Variants in COL23A1 observed in about 807,000 individuals in gnomAD.
COL23A1 encodes collagen type XXIII alpha 1 chain.
A neutral mutation model predicts 99.3 loss-of-function variants in COL23A1; 97 were observed. That is an observed-to-expected ratio of 0.98 (90% confidence interval 0.83 to 1.16). COL23A1 has a LOEUF of 1.16. COL23A1 is among the 50% of genes most tolerant of loss of function. The pLI is 0.00. For missense variants in COL23A1, 762 were observed against 757.4 expected, an observed-to-expected ratio of 1.01 and a Z score of -0.07; for synonymous variants, 320 against 308.2, an observed-to-expected ratio of 1.04 and a Z score of -0.40.
At position 178,589,956 on chromosome 5, in the gene COL23A1, G is replaced by A. The variant is rs1764184712; in HGVS notation, c.242C>T (p.Pro81Leu). The A allele has an allele frequency of 1.5e-6, 2 of 1,329,562 alleles. No individual in the cohort carries two copies. Among genetic ancestry groups the A allele is most frequent in the Non-Finnish European group, 1.9e-6 (2 of 1,047,250 alleles). The allele number at this position is 1,329,562 out of a possible 1,614,324, so 82.4% of individuals were successfully genotyped here. Residue 81 changes from proline (P) to leucine (L), a missense_variant, in exon 1 of 29, where the codon CCA becomes CTA. Transcript: ENST00000390654. This position sits in a 1 kb window ranked among gnomAD's most constrained non-coding sequence, Gnocchi z 5.4. ...CTCGGCCCAGGCGTCCAGGGCGCCT[G>A]GCGGCCCCGCGCGCCGCAGCAGCTC... ...ERELLRRAGP[P>L]GALDAWAEPH...
At chr5:178,423,563 C>T (rs1362508001) in intron 2 of COL23A1, among the ~76,000 whole-genome samples, 2 of 152,192 alleles carry the variant, frequency 1.3e-5, no homozygotes, top group Non-Finnish European at 2.9e-5. Context: ...GTAAATGCAT[C>T]TTCCACCTCG....
intron 4 of COL23A1, 36 bp from the exon 5 acceptor site, chr5:178,288,386 T>C: frequency 6.3e-7 from 1 of 1,593,398 alleles, no homozygotes; most frequent in Non-Finnish European, 8.6e-7. Context: ...AATCAGAGTT[T>C]CGGCAGAAAC....
At chr5:178,329,015 G>A (rs947468265) in intron 2 of COL23A1, among the ~76,000 whole-genome samples, 2 of 152,286 alleles carry the variant, frequency 1.3e-5, no homozygotes, top group Non-Finnish European at 2.9e-5. Context: ...TGCTGGATCA[G>A]ACCTCAGGCT....
chr5:178,366,869 C>T lies in COL23A1; in HGVS notation c.362-59950G>A, dbSNP rs1485263551. Among the ~76,000 whole-genome samples the T allele has an allele frequency of 2.0e-5, 3 of 152,206 alleles. No individual in the cohort carries two copies. Among genetic ancestry groups the T allele is most frequent in the African/African-American group, 7.2e-5 (3 of 41,450 alleles). ...GCAGGGTCCTGCCCTCCTCTGCAGCCCCACGTGGCCCACTTGGCATGAGTG... is the reference window on the plus strand; with the variant it reads ...GCAGGGTCCTGCCCTCCTCTGCAGCTCCACGTGGCCCACTTGGCATGAGTG... On this transcript the variant is annotated intron_variant, in intron 2 of 28. Coordinates refer to ENST00000390654, the MANE Select transcript of COL23A1 (RefSeq NM_173465.4). The surrounding 1 kb of genome is among the most constrained non-coding windows in gnomAD (Gnocchi z 4.4).
At chr5:178,452,363 G>C (rs1227496214) in intron 2 of COL23A1, among the ~76,000 whole-genome samples, 4 of 152,146 alleles carry the variant, frequency 2.6e-5, no homozygotes, top group Non-Finnish European at 5.9e-5. Flanking sequence ...AAGCAGATCA[G>C]AGTTTAAAGG....
intron 2 of COL23A1, among the ~76,000 whole-genome samples, chr5:178,555,190 G>C (rs138472335): frequency 1.3e-5 from 2 of 152,220 alleles, no homozygotes; most frequent in African/African-American, 4.8e-5. Flanking sequence ...CAGGGACAGC[G>C]GTCATGAGGG....
Position 178,242,326 on chromosome 5 carries a change from T to A in COL23A1, c.1494+15A>T, listed in dbSNP as rs1343592312. 1 of 1,613,258 alleles carries A rather than the reference T, an allele frequency of 6.2e-7. No homozygotes were observed. The highest frequency in any genetic ancestry group is 8.5e-7 in the Non-Finnish European group (1 of 1,179,638). The stretch of plus-strand genomic sequence containing the variant: ...CCCTCTCCTCCTGCCCCAGCTCCCG[T>A]CCAGCTGCCCTCACCTTCTCTCCAC... On this transcript the variant is annotated intron_variant, in intron 26 of 28. Transcript: ENST00000390654.
chr5:178,353,421 T>C (rs1191771053), intron 2 of COL23A1, among the ~76,000 whole-genome samples: 1 of 152,124 alleles, frequency 6.6e-6, no homozygotes, highest in Non-Finnish European at 1.5e-5. Context: ...TATAAAACTA[T>C]GAGAAAATAT....
intron 2 of COL23A1, among the ~76,000 whole-genome samples, chr5:178,369,213 G>A (rs754450168): frequency 9.9e-5 from 15 of 152,164 alleles, no homozygotes; most frequent in Non-Finnish European, 1.9e-4. Flanking sequence ...TCCTGTCCAG[G>A]GGAGACGAAC....
At chr5:178,527,784 G>T (rs1760396106) in intron 2 of COL23A1, among the ~76,000 whole-genome samples, 1 of 152,350 alleles carries the variant, frequency 6.6e-6, no homozygotes, top group South Asian at 2.1e-4. Flanking sequence ...CTGCAGCCTG[G>T]ATACTGGAAA....
intron 5 of COL23A1, among the ~76,000 whole-genome samples, chr5:178,272,048 T>C (rs1756320473): frequency 6.6e-6 from 1 of 152,218 alleles, no homozygotes; most frequent in African/African-American, 2.4e-5. Context: ...AGGGCCAGCT[T>C]CAGCCATTTG....
At chr5:178,394,015 G>T (rs1013704828) in intron 2 of COL23A1, among the ~76,000 whole-genome samples, 2 of 152,184 alleles carry the variant, frequency 1.3e-5, no homozygotes, top group African/African-American at 4.8e-5. Context: ...CTGACAGAAG[G>T]ATGGGACATA....
At chr5:178,517,166 T>G (rs539972759) in intron 2 of COL23A1, among the ~76,000 whole-genome samples, 6 of 152,350 alleles carry the variant, frequency 3.9e-5, no homozygotes, top group African/African-American at 1.4e-4. Flanking sequence ...TGCAAGCCCC[T>G]AACAGCTGTC....
intron 10 of COL23A1, 97 bp from the exon 11 acceptor site, chr5:178,261,845 T>C: frequency 9.3e-7 from 1 of 1,071,058 alleles, no homozygotes; most frequent in Non-Finnish European, 1.4e-6. Flanking sequence ...GTGACACCAA[T>C]CCCAGAGAGC....
chr5:178,245,813 A>G (rs78302389), intron 25 of COL23A1, 129 bp downstream of exon 25: 3 of 1,049,738 alleles, frequency 2.9e-6, no homozygotes, highest in East Asian at 2.4e-5. Context: ...CACAGGGGGA[A>G]CCAGTCAGTT....
chr5:178,562,247 A>AAC, intron 1 of COL23A1: 1 of 340,674 alleles, frequency 2.9e-6, no homozygotes. Flanking sequence ...ATCTCAAAAA[A>AAC]AGAAAAAAAA....
chr5:178,371,139 A>G (rs1223295708), intron 2 of COL23A1, among the ~76,000 whole-genome samples: 1 of 152,250 alleles, frequency 6.6e-6, no homozygotes, highest in Non-Finnish European at 1.5e-5. Flanking sequence ...CGCACACCAT[A>G]TAGACAATGT....
intron 2 of COL23A1, among the ~76,000 whole-genome samples, chr5:178,496,186 C>A (rs753027927): frequency 2.1e-4 from 32 of 152,164 alleles, no homozygotes; most frequent in Non-Finnish European, 3.4e-4. Context: ...CCCCCTTTCA[C>A]CTGCTGGGAA....
intron 3 of COL23A1, among the ~76,000 whole-genome samples, chr5:178,304,672 T>C (rs1465000158): frequency 6.6e-6 from 1 of 152,176 alleles, no homozygotes; most frequent in Non-Finnish European, 1.5e-5. Context: ...GAGAGGCACG[T>C]CTGTTCTGTG....
Sources: allele counts gnomAD v4.1 joint callset (sites outside exome capture counted in the v4.1 genomes callset), GRCh38; gene constraint gnomAD v4.1.1; non-coding constraint Gnocchi (gnomAD v3.1); transcripts MANE v1.5; gene names NCBI Gene and HGNC (gene_info 2026-07-23, HGNC 2026-07-21).